The following PTPRO variants were observed in gnomAD, a reference collection of about 807,000 sequenced individuals.
PTPRO encodes the protein receptor-type tyrosine-protein phosphatase O.
In PTPRO, 62 loss-of-function variants were observed where a neutral mutation model predicts 145.2. The observed-to-expected ratio is 0.43, with a 90% CI of 0.35 to 0.53. The LOEUF (loss-of-function observed/expected upper bound fraction) is 0.53, where lower values mean the gene tolerates loss of function less well. Ranked by LOEUF, PTPRO falls within the 20% of genes least tolerant of loss-of-function variation. The pLI is 0.01. For synonymous variants in PTPRO, 565 were observed against 514.7 expected, an observed-to-expected ratio of 1.10 and a Z score of -1.32; for missense variants, 1,345 against 1,482.7, an observed-to-expected ratio of 0.91 and a Z score of 1.53.
intron 1 of PTPRO, among the ~76,000 whole-genome samples, chr12:15,419,247 G>C (rs757839084): frequency 7.1e-6 from 1 of 140,722 alleles, no homozygotes; most frequent in African/African-American, 2.7e-5. Flanking sequence ...CTCCAGTAAC[G>C]ATAGGAGCAT....
chr12:15,573,590 A>G (rs946922310), intron 19 of PTPRO, among the ~76,000 whole-genome samples: 1 of 152,222 alleles, frequency 6.6e-6, no homozygotes, highest in African/African-American at 2.4e-5. Context: ...CATTATTTAC[A>G]TATTCTGGTA....
chr12:15,527,875 A>ACCCCCCCCCCCACCCC (rs1555173370), intron 12 of PTPRO, among the ~76,000 whole-genome samples: 6 of 137,738 alleles, frequency 4.4e-5, no homozygotes, highest in African/African-American at 5.6e-5. Flanking sequence ...GGGAACTGTG[A>ACCCCCCCCCCCACCCC]CCCGCCCACG....
At chr12:15,343,549 A>G (rs1867080848) in intron 1 of PTPRO, among the ~76,000 whole-genome samples, 1 of 152,102 alleles carries the variant, frequency 6.6e-6, no homozygotes, top group East Asian at 1.9e-4. Flanking sequence ...TTACCTGGGC[A>G]TGGTGGCTCG....
At chr12:15,445,976 C>T (rs1591818725) in intron 1 of PTPRO, among the ~76,000 whole-genome samples, 1 of 152,086 alleles carries the variant, frequency 6.6e-6, no homozygotes, top group East Asian at 1.9e-4. Flanking sequence ...ATGAAATTGA[C>T]ATTTGTAAAG....
chr12:15,501,493 GTGTATCAGAAGTAAA>G, intron 4 of PTPRO, 112 bp from the exon 5 acceptor site: 1 of 863,910 alleles, frequency 1.2e-6, no homozygotes, highest in Non-Finnish European at 1.8e-6. Context: ...AAATTTGTCT[GTGTATCAGAAGTAAA>G]ATTAAATTCC....
At chr12:15,354,708 G>C (rs781713283) in intron 1 of PTPRO, among the ~76,000 whole-genome samples, 1 of 152,032 alleles carries the variant, frequency 6.6e-6, no homozygotes, top group Non-Finnish European at 1.5e-5. Context: ...TTTGTTATAT[G>C]GTATAATAAG....
chr12:15,492,415 A>G (rs1254240416), intron 2 of PTPRO, among the ~76,000 whole-genome samples: 5 of 152,208 alleles, frequency 3.3e-5, no homozygotes, highest in African/African-American at 1.2e-4. Flanking sequence ...ATTAGTGGGA[A>G]AAAAAATTGG....
intron 2 of PTPRO, among the ~76,000 whole-genome samples, chr12:15,488,798 C>A (rs1286873745): frequency 6.6e-6 from 1 of 152,134 alleles, no homozygotes; most frequent in African/African-American, 2.4e-5. Flanking sequence ...ATTTCACAAC[C>A]CTTAGGCTGT....
intron 1 of PTPRO, among the ~76,000 whole-genome samples, chr12:15,397,392 C>T (rs143910830): frequency 1.2e-4 from 19 of 152,206 alleles, no homozygotes; most frequent in Non-Finnish European, 2.5e-4. Context: ...ACAATACAAC[C>T]GAGAAGTTAG....
intron 6 of PTPRO, among the ~76,000 whole-genome samples, chr12:15,508,011 A>G (rs1942358223): frequency 6.6e-6 from 1 of 152,180 alleles, no homozygotes; most frequent in East Asian, 1.9e-4. Context: ...TATGGTAAGG[A>G]TCCTGTTGTG....
At chr12:15,401,721 T>C (rs1173949721) in intron 1 of PTPRO, among the ~76,000 whole-genome samples, 3 of 152,222 alleles carry the variant, frequency 2.0e-5, no homozygotes, top group African/African-American at 7.2e-5. Context: ...CTGGCTCACA[T>C]GGCTGGTCTG....
intron 1 of PTPRO, among the ~76,000 whole-genome samples, chr12:15,359,265 C>T (rs1437925843): frequency 6.6e-6 from 1 of 152,030 alleles, no homozygotes; most frequent in Non-Finnish European, 1.5e-5. Flanking sequence ...TTGATTCTTA[C>T]CCATGTATGA....
At chr12:15,505,545 C>T (rs1433985228) in intron 6 of PTPRO, among the ~76,000 whole-genome samples, 1 of 152,096 alleles carries the variant, frequency 6.6e-6, no homozygotes, top group African/African-American at 2.4e-5. Flanking sequence ...AAAATATAGG[C>T]TCCTAGAAGT....
At chr12:15,547,036 C>T (rs1029022750) in intron 13 of PTPRO, among the ~76,000 whole-genome samples, 1 of 152,088 alleles carries the variant, frequency 6.6e-6, no homozygotes, top group Non-Finnish European at 1.5e-5. Context: ...AACCATTTGC[C>T]AAGTATATAA....
intron 1 of PTPRO, among the ~76,000 whole-genome samples, chr12:15,418,639 G>A (rs1003614225): frequency 6.6e-6 from 1 of 151,714 alleles, no homozygotes; most frequent in Admixed American, 6.6e-5. Flanking sequence ...TTCCTGGCAA[G>A]GAGAACATGG....
Position 15,578,839 on chromosome 12 carries a change from T to C in PTPRO, c.2830-14T>C. On this transcript the variant is annotated splice_polypyrimidine_tract_variant and intron_variant, in intron 19 of 26. Coordinates refer to ENST00000281171, the MANE Select transcript of PTPRO (RefSeq NM_030667.3). ...ACGTATGGAACTCTCAAATCCATTC[T>C]CTGTCCTTTACAGGAGTTGAAATTG... 6.5e-7 allele frequency: 1 copy of C among 1,549,422 alleles called. No homozygotes were observed. The highest frequency in any genetic ancestry group is 8.9e-7 in the Non-Finnish European group (1 of 1,121,188).
At chr12:15,525,990 T>C (rs1942829212) in intron 11 of PTPRO, 152 bp from the exon 12 acceptor site, 1 of 1,036,278 alleles carries the variant, frequency 9.6e-7, no homozygotes, top group African/African-American at 1.6e-5. Context: ...TATAAAATTT[T>C]CAGAAGATAT....
intron 21 of PTPRO, 78 bp from the exon 22 acceptor site, chr12:15,580,619 T>G: frequency 6.3e-7 from 1 of 1,592,826 alleles, no homozygotes; most frequent in African/African-American, 1.3e-5. Context: ...AGTTTTCAGT[T>G]TTTTTCCCAT....
At chr12:15,350,571 AG>A (rs1234056906) in intron 1 of PTPRO, among the ~76,000 whole-genome samples, 1 of 152,204 alleles carries the variant, frequency 6.6e-6, no homozygotes, top group African/African-American at 2.4e-5. Flanking sequence ...GGAAAATGAG[AG>A]AAGTTTAGGG....
Sources: gnomAD v4.1 joint callset for allele counts (sites outside exome capture counted in the v4.1 genomes callset) on GRCh38, gnomAD v4.1.1 for gene constraint, MANE v1.5 for transcripts, NCBI Gene and HGNC (gene_info 2026-07-23, HGNC 2026-07-21) for gene names.